Variants in PKMYT1 observed in about 807,000 individuals in gnomAD.
The protein encoded by PKMYT1 is membrane-associated tyrosine- and threonine-specific cdc2-inhibitory kinase.
In PKMYT1, 35 loss-of-function variants were observed where a neutral mutation model predicts 49.7. The ratio of observed to expected loss-of-function variants is 0.70; its 90% confidence interval spans 0.54 to 0.93. The LOEUF (loss-of-function observed/expected upper bound fraction) is 0.93, where lower values mean the gene tolerates loss of function less well. PKMYT1 is among the 40% of genes least tolerant of loss of function. The pLI is 0.00. For missense variants in PKMYT1, 677 were observed against 673.1 expected (o/e 1.01, Z -0.06); for synonymous variants, 331 against 287.6 (o/e 1.15, Z -1.53).
intron 2 of PKMYT1, chr16:2,977,379 A>G: frequency 9.5e-7 from 1 of 1,049,424 alleles, no homozygotes; most frequent in Non-Finnish European, 1.1e-6. Flanking sequence ...TTTGATCCTA[A>G]ACTACACAAC....
chr16:2,975,158 G>A (rs2072150680), intron 4 of PKMYT1, among the ~76,000 whole-genome samples, 161 bp downstream of exon 4: 1 of 152,222 alleles, frequency 6.6e-6, no homozygotes, highest in Admixed American at 6.5e-5. Context: ...AGCCTGACCA[G>A]AGACGCTCTC....
In PKMYT1 at chr16:2,976,659, C is replaced by A. The variant is rs767229449; in HGVS notation, c.378+5G>T. 1.7e-5 allele frequency: 24 copies of A among 1,445,256 alleles called. No individual in the cohort carries two copies. The Admixed American group carries it at 6.0e-4, about 36-fold the overall frequency. The allele number at this position is 1,445,256 out of a possible 1,614,324, so 89.5% of individuals were successfully genotyped here. On this transcript the variant is annotated splice_donor_5th_base_variant and intron_variant, in intron 3 of 8. Transcript: ENST00000262300. ...GATGGGCCTAGAAGCCGTCCCCTCA[C>A]TCACCTTGAAGACCTCTCCGTAGGA...
Position 2,979,800 on chromosome 16 carries a change from C to T in PKMYT1, c.-143G>A. On this transcript the variant is annotated 5_prime_UTR_variant, in exon 2 of 9. Coordinates refer to ENST00000262300, the MANE Select transcript of PKMYT1 (RefSeq NM_004203.5). ...GGGGCCCTGGGCGATCGGGCCGTCT[C>T]GCCTCACCCTCTCACCAGGCCCGAC... 1 of 907,320 alleles carries T rather than the reference C, an allele frequency of 1.1e-6. No homozygotes were observed. The highest frequency in any genetic ancestry group is 1.7e-6 in the Non-Finnish European group (1 of 576,610). The allele number at this position is 907,320 out of a possible 1,614,324, so 56.2% of individuals were successfully genotyped here. A position where few individuals can be genotyped will look rare whatever the true frequency, so the allele number is the denominator to read the frequency against.
At chr16:2,974,746 G>A in intron 4 of PKMYT1, 90 bp from the exon 5 acceptor site, 1 of 794,812 alleles carries the variant, frequency 1.3e-6, no homozygotes, top group Non-Finnish European at 2.1e-6. Flanking sequence ...GTGGGTGGGA[G>A]AGGGCTGCTG....
chr16:2,973,646 G>C (rs2072082127), intron 7 of PKMYT1: 2 of 444,254 alleles, frequency 4.5e-6, no homozygotes, highest in South Asian at 4.5e-5. Context: ...CAGGGACCAA[G>C]GACTTGTTCC....
intron 1 of PKMYT1, 84 bp downstream of exon 1, chr16:2,980,202 G>GC (rs2072305039): frequency 6.1e-6 from 1 of 163,796 alleles, no homozygotes; most frequent in Non-Finnish European, 1.3e-5. Context: ...GGCCTGAGGG[G>GC]CAGGGGTAAC....
Position 2,974,016 on chromosome 16 carries a change from C to A in PKMYT1, c.1294G>T (p.Asp432Tyr). 6.2e-7 allele frequency: 1 copy of A among 1,612,822 alleles called. No individual in the cohort carries two copies. The highest frequency in any genetic ancestry group is 1.3e-5 in the African/African-American group (1 of 75,046). The change falls in exon 7 of 9, where the codon GAT (aspartate) becomes TAT (tyrosine). Residue 432 changes from aspartate to tyrosine, a missense_variant. By Grantham distance (160) the Asp-to-Tyr change is radical. Transcript: ENST00000262300. ...LLDSSLSSNW[D>Y]DDSLGPSLSP... Reference sequence around the variant, plus strand: ...TGAACCCACCCTAGGCTGTCGTCATCCCAGTTGCTGGAGAGGCTGCTGTCC... The same window carrying A: ...TGAACCCACCCTAGGCTGTCGTCATACCAGTTGCTGGAGAGGCTGCTGTCC...
In PKMYT1 at chr16:2,975,570, C is replaced by G. The variant is rs2072166824; in HGVS notation, c.621G>C (p.Glu207Asp). The change falls in exon 4 of 9, where the codon GAG becomes GAC. Residue 207 changes from glutamate (E) to aspartate (D), a missense_variant. Transcript: ENST00000262300. Reference sequence around the variant, plus strand: ...CCCGCAGGTAGCCCCAGACCTGGGCCTCAGGCAGGCTGGCACCCCAGGCCT... The same window carrying G: ...CCCGCAGGTAGCCCCAGACCTGGGCGTCAGGCAGGCTGGCACCCCAGGCCT... ...HCEAWGASLP[E>D]AQVWGYLRDT... 2 of 1,611,642 alleles carry G rather than the reference C, an allele frequency of 1.2e-6. No individual in the cohort carries two copies. Among genetic ancestry groups the G allele is most frequent in the Non-Finnish European group, 1.7e-6 (2 of 1,179,784 alleles).
rs377489890 is a variant in PKMYT1, at chr16:2,975,470, G to C, written c.721C>G (p.Leu241Val). Residue 241 changes from leucine to valine, a missense_variant, in exon 4 of 9, where the codon CTG becomes GTG. Physicochemically the swap from Leu to Val is conservative, Grantham distance 32 (BLOSUM62 1). Transcript: ENST00000262300. ...AGCTTGCAGCGGCCCCGGGGCCCCA[G>C]GAAGATGTTGGCAGGCTTGACATCA... ...HLDVKPANIF[L>V]GPRGRCKLGD... The C allele has an allele frequency of 6.2e-7, 1 of 1,613,136 alleles. No individual in the cohort carries two copies. Among genetic ancestry groups the C allele is most frequent in the Non-Finnish European group, 8.5e-7 (1 of 1,179,966 alleles).
chr16:2,979,532 G>T, intron 2 of PKMYT1, 116 bp downstream of exon 2: 4 of 823,972 alleles, frequency 4.9e-6, no homozygotes. Flanking sequence ...AGGGTGTTGG[G>T]ATCCTGGAGG....
chr16:2,975,616 G>C lies in PKMYT1; in HGVS notation c.575C>G (p.Pro192Arg). 6.2e-7 allele frequency: 1 copy of C among 1,611,486 alleles called. No individual in the cohort carries two copies. The highest frequency in any genetic ancestry group is 1.3e-5 in the African/African-American group (1 of 75,036). Residue 192 changes from proline to arginine, a missense_variant, in exon 4 of 9, where the codon CCC (proline) becomes CGC (arginine). Physicochemically the swap from Pro to Arg is moderately radical, Grantham distance 103. Coordinates refer to ENST00000262300, the MANE Select transcript of PKMYT1 (RefSeq NM_004203.5). ...ILYLQTELCG[P>R]SLQQHCEAWG... ...GGCCTCACAGTGTTGCTGCAGGCTG[G>C]GCCCGCACAGCTCCGTCTGCAGGTA... is the stretch of plus-strand genomic sequence containing the variant.
In PKMYT1 at chr16:2,975,577, A is replaced by C; in HGVS notation, c.614T>G (p.Leu205Arg). ...GTAGCCCCAGACCTGGGCCTCAGGC[A>C]GGCTGGCACCCCAGGCCTCACAGTG... ...QQHCEAWGASLPEAQVWGYLR... is the reference protein window; with the variant it reads ...QQHCEAWGASRPEAQVWGYLR... The change falls in exon 4 of 9, where the codon CTG becomes CGG. Residue 205 changes from leucine to arginine, a missense_variant. Transcript: ENST00000262300. 1 of 1,611,790 alleles carries C rather than the reference A, an allele frequency of 6.2e-7. No homozygotes were observed.
chr16:2,973,187 C>A lies in PKMYT1; in HGVS notation c.1339G>T (p.Ala447Ser). The change falls in exon 8 of 9, where the codon GCC (alanine) becomes TCC (serine). Residue 447 changes from alanine to serine, a missense_variant. Coordinates refer to ENST00000262300, the MANE Select transcript of PKMYT1 (RefSeq NM_004203.5). The stretch of plus-strand genomic sequence containing the variant: ...GTGGAGGTGCTCCCCACAGTCCGGG[C>A]CAGGACAGCCTCAGGGGAGAGTGAA... ...GPSLSPEAVL[A>S]RTVGSTSTPR... The A allele has an allele frequency of 1.3e-6, 2 of 1,523,228 alleles. No individual in the cohort carries two copies. Among genetic ancestry groups the A allele is most frequent in the Admixed American group, 2.0e-5 (1 of 48,868 alleles). The allele number at this position is 1,523,228 out of a possible 1,614,324, so 94.4% of individuals were successfully genotyped here.
rs2151067378 is a variant in PKMYT1, at chr16:2,973,212, A to G, written c.1314T>C (p.Pro438=). ...SSNWDDDSLG[P]SLSPEAVLAR... ...CCAGGACAGCCTCAGGGGAGAGTGA[A>G]GGCCTGCAGGAGGGCAGGCGAGACA... Residue 438 remains proline, a synonymous_variant, in exon 8 of 9, where the codon CCT becomes CCC. Transcript: ENST00000262300. 6.7e-7 allele frequency: 1 copy of G among 1,501,174 alleles called. No homozygotes were observed. Among genetic ancestry groups the G allele is most frequent in the Non-Finnish European group, 8.9e-7 (1 of 1,121,918 alleles). 93.0% of individuals were successfully genotyped at this position (1,501,174 alleles called of 1,614,324 possible). A position where few individuals can be genotyped will look rare whatever the true frequency, so the allele number is the denominator to read the frequency against.
At chr16:2,976,623 G>C in intron 3 of PKMYT1, 41 bp downstream of exon 3, 3 of 1,410,592 alleles carry the variant, frequency 2.1e-6, no homozygotes, top group Non-Finnish European at 2.8e-6. Flanking sequence ...AAACACAAAG[G>C]AGGTCCCCCA....
chr16:2,973,044 T>A lies in PKMYT1; in HGVS notation c.1409A>T (p.Asp470Val). Residue 470 changes from aspartate (D) to valine (V), a missense_variant, in exon 9 of 9, where the codon GAC (aspartate) becomes GTC (valine). Asp to Val is a radical substitution (Grantham distance 152). Coordinates refer to ENST00000262300, the MANE Select transcript of PKMYT1 (RefSeq NM_004203.5). ...GCCCCGAGGAGGCTCTGAGTTGATGTCACTTAGGTCCAGGGCATCCCTGGG... is the reference window on the plus strand; with the variant it reads ...GCCCCGAGGAGGCTCTGAGTTGATGACACTTAGGTCCAGGGCATCCCTGGG... ...CTPRDALDLS[D>V]INSEPPRGSF... 6.2e-7 allele frequency: 1 copy of A among 1,607,552 alleles called. No individual in the cohort carries two copies. The highest frequency in any genetic ancestry group is 8.5e-7 in the Non-Finnish European group (1 of 1,178,012).
rs1039261582 is a variant in PKMYT1 at position 2,979,740 on chromosome 16, G to A, written c.-83C>T. ...CCACGTGAATCCAGGGTGTCCCTGA[G>A]CTAAGGCCAGGCGGGGGTGACCTCC... On this transcript the variant is annotated 5_prime_UTR_variant, in exon 2 of 9. Coordinates refer to ENST00000262300, the MANE Select transcript of PKMYT1 (RefSeq NM_004203.5). 2 of 1,591,144 alleles carry A rather than the reference G, an allele frequency of 1.3e-6. No individual in the cohort carries two copies. Among genetic ancestry groups the A allele is most frequent in the Non-Finnish European group, 1.7e-6 (2 of 1,163,014 alleles).
Position 2,975,376 on chromosome 16 carries a change from CG to C in PKMYT1, c.814del (p.Arg272AlafsTer67). ...CTGCAGCAGCTCGGGGGCCATGTAGCGGGGGTCTCCCTCCTGGACCTCACCA... is the reference window on the plus strand; with the variant it reads ...CTGCAGCAGCTCGGGGGCCATGTAGCGGGGTCTCCCTCCTGGACCTCACCA... ...GAGEVQEGDP[R>X]YMAPELLQGS... On this transcript the variant is annotated frameshift_variant, in exon 4 of 9. Transcript: ENST00000262300. LOFTEE classifies it high-confidence loss of function. 5 of 1,613,088 alleles carry C rather than the reference CG, an allele frequency of 3.1e-6. No homozygotes were observed. Among genetic ancestry groups the C allele is most frequent in the Non-Finnish European group, 4.2e-6 (5 of 1,179,942 alleles).
intron 4 of PKMYT1, 79 bp from the exon 5 acceptor site, chr16:2,974,735 G>A: frequency 2.1e-6 from 2 of 931,222 alleles, no homozygotes; most frequent in Admixed American, 2.2e-5. Flanking sequence ...GCCTCTTGGA[G>A]GTGGGTGGGA....
Sources: gnomAD v4.1 joint callset for allele counts (sites outside exome capture counted in the v4.1 genomes callset) on GRCh38, gnomAD v4.1.1 for gene constraint, MANE v1.5 for transcripts, NCBI Gene and HGNC (gene_info 2026-07-23, HGNC 2026-07-21) for gene names.